CHL1: variants seen among roughly 807,000 people sequenced by gnomAD.
CHL1 encodes cell adhesion molecule L1 like, also known as neural cell adhesion molecule L1-like protein.
Under a neutral mutation model 141.9 loss-of-function variants are expected in CHL1, and 96 were observed. That is an observed-to-expected ratio of 0.68 (90% CI 0.57 to 0.80). CHL1 has a LOEUF of 0.80. Ranked by LOEUF, CHL1 falls within the 30% of genes least tolerant of loss-of-function variation. The probability of loss-of-function intolerance (pLI) is 0.00; values close to 1 mark genes in which losing one functional copy is unlikely to be tolerated. For synonymous variants in CHL1, 613 were observed against 502.2 expected (o/e 1.22, Z -2.95); for missense variants, 1,820 against 1,457.2 (o/e 1.25, Z -4.05).
At chr3:338,187 CT>C (rs1702082543) in intron 5 of CHL1, among the ~76,000 whole-genome samples, 1 of 152,180 alleles carries the variant, frequency 6.6e-6, no homozygotes, top group Admixed American at 6.5e-5. Flanking sequence ...ATTCTGATCC[CT>C]TTGCAGAGAG....
chr3:398,882 G>C (rs1708890196), intron 25 of CHL1, 135 bp from the exon 26 acceptor site: 2 of 661,516 alleles, frequency 3.0e-6, no homozygotes, highest in African/African-American at 3.6e-5. Flanking sequence ...CCTTCAAATT[G>C]CATTCCTTCT....
At chr3:263,805 G>A (rs1294011131) in intron 2 of CHL1, among the ~76,000 whole-genome samples, 5 of 152,176 alleles carry the variant, frequency 3.3e-5, no homozygotes, top group African/African-American at 9.7e-5. Context: ...TTGAAAGAAT[G>A]ATTTTAATTA....
chr3:370,413 G>C (rs1032724653), intron 15 of CHL1, among the ~76,000 whole-genome samples: 2 of 151,906 alleles, frequency 1.3e-5, no homozygotes, highest in Admixed American at 6.6e-5. Context: ...TTTGATGGTA[G>C]TTTGCATTTC....
intron 2 of CHL1, among the ~76,000 whole-genome samples, chr3:280,210 G>A (rs1005516514): frequency 2.7e-5 from 4 of 149,950 alleles, no homozygotes; most frequent in African/African-American, 1.0e-4. Context: ...TAGAGTCTAG[G>A]CATTTTTTTT....
chr3:393,009 G>A (rs1190359570), intron 23 of CHL1, among the ~76,000 whole-genome samples: 1 of 152,056 alleles, frequency 6.6e-6, no homozygotes, highest in African/African-American at 2.4e-5. Context: ...CGAGGCTGGT[G>A]GATCACGAGG....
At chr3:361,675 T>A (rs1225309398) in intron 12 of CHL1, 24 bp from the exon 13 acceptor site, 1 of 1,533,468 alleles carries the variant, frequency 6.5e-7, no homozygotes, top group Non-Finnish European at 9.0e-7. Context: ...AGTTTAAAAC[T>A]GCGTTTATGT....
intron 5 of CHL1, among the ~76,000 whole-genome samples, chr3:330,039 C>G (rs57468486): frequency 0.016 from 2,365 of 152,050 alleles, 65 homozygotes; most frequent in African/African-American, 0.054. Flanking sequence ...CAAGCTCCAT[C>G]TAATGAAAAC....
chr3:288,603 G>A (rs1023664711), intron 2 of CHL1, among the ~76,000 whole-genome samples: 1 of 152,080 alleles, frequency 6.6e-6, no homozygotes, highest in African/African-American at 2.4e-5. Context: ...TCACAGGAGG[G>A]GGGCCATGAA....
chr3:284,474 G>A (rs943437430), intron 2 of CHL1, among the ~76,000 whole-genome samples: 42 of 152,156 alleles, frequency 2.8e-4, no homozygotes, highest in Non-Finnish European at 2.9e-4. Context: ...GTTCCAAACC[G>A]TGTGAGAAGT....
chr3:279,544 G>A (rs1696450375), intron 2 of CHL1, among the ~76,000 whole-genome samples: 1 of 152,184 alleles, frequency 6.6e-6, no homozygotes, highest in Non-Finnish European at 1.5e-5. Context: ...TGGACTGGTT[G>A]CTTTGAATTC....
At chr3:311,382 T>A (rs1367883094) in intron 2 of CHL1, among the ~76,000 whole-genome samples, 1 of 148,724 alleles carries the variant, frequency 6.7e-6, no homozygotes, top group East Asian at 2.0e-4. Context: ...TTTTTTTTTT[T>A]ACCCAGCATA....
At chr3:341,008 A>G in intron 6 of CHL1, 92 bp downstream of exon 6, 1 of 1,345,474 alleles carries the variant, frequency 7.4e-7, no homozygotes, top group Non-Finnish European at 1.0e-6. Flanking sequence ...AAAATAAAAA[A>G]TAAAGATCTC....
intron 11 of CHL1, among the ~76,000 whole-genome samples, chr3:357,806 A>T (rs1036084250): frequency 6.6e-6 from 1 of 152,214 alleles, no homozygotes; most frequent in Non-Finnish European, 1.5e-5. Context: ...CTAATTTCTT[A>T]CTTTTGTAAT....
chr3:346,147 A>T (rs947966588), intron 9 of CHL1, among the ~76,000 whole-genome samples: 5 of 152,198 alleles, frequency 3.3e-5, no homozygotes. Flanking sequence ...CTGGTTTAGA[A>T]ATGGAGCAGA....
At chr3:328,553 T>C in intron 5 of CHL1, 199 bp downstream of exon 5, 1 of 441,152 alleles carries the variant, frequency 2.3e-6, no homozygotes, top group Non-Finnish European at 4.0e-6. Flanking sequence ...ATAATTTGAC[T>C]CTGTTTCAGT....
chr3:316,628 T>C (rs1202773842), intron 2 of CHL1, among the ~76,000 whole-genome samples: 1 of 151,960 alleles, frequency 6.6e-6, no homozygotes, highest in African/African-American at 2.4e-5. Context: ...TTCAAAAATA[T>C]TTTAGTAAGA....
chr3:390,294 T>A (rs561554780), intron 20 of CHL1, among the ~76,000 whole-genome samples: 1 of 152,334 alleles, frequency 6.6e-6, no homozygotes, highest in East Asian at 1.9e-4. Context: ...TATGAACCAA[T>A]TTAGGTAAGT....
intron 1 of CHL1, among the ~76,000 whole-genome samples, chr3:219,825 C>T (rs1700665949): frequency 2.0e-5 from 3 of 152,124 alleles, no homozygotes; most frequent in Admixed American, 2.0e-4. Context: ...ACATGTACCC[C>T]TGAACTTAAA....
intron 5 of CHL1, among the ~76,000 whole-genome samples, chr3:336,245 C>G (rs1701851693): frequency 6.6e-6 from 1 of 152,106 alleles, no homozygotes; most frequent in African/African-American, 2.4e-5. Flanking sequence ...TACCTTGATA[C>G]TAGATTACAG....
Sources: allele counts gnomAD v4.1 joint callset (sites outside exome capture counted in the v4.1 genomes callset), GRCh38; gene constraint gnomAD v4.1.1; transcripts MANE v1.5; gene names NCBI Gene and HGNC (gene_info 2026-07-23, HGNC 2026-07-21).